THADA: variants seen among roughly 807,000 people sequenced by gnomAD.
THADA encodes THADA armadillo repeat containing.
A neutral mutation model predicts 219.8 loss-of-function variants in THADA; 213 were observed. That is an observed-to-expected ratio of 0.97 (90% confidence interval 0.87 to 1.09). The LOEUF is 1.09. Among genes scored for constraint, THADA ranks in the 50% least tolerant of loss-of-function variants. The pLI, the probability that THADA is intolerant of heterozygous loss-of-function variation, is 0.00. For synonymous variants in THADA, 1,018 were observed against 828.9 expected (o/e 1.23, Z -3.92); for missense variants, 2,956 against 2,311.3 (o/e 1.28, Z -5.72).
intron 1 of THADA, among the ~76,000 whole-genome samples, chr2:43,593,139 T>C (rs1701758862): frequency 6.6e-6 from 1 of 152,072 alleles, no homozygotes; most frequent in African/African-American, 2.4e-5. Context: ...ATGTAGTACA[T>C]GTATAAAATA....
intron 34 of THADA, among the ~76,000 whole-genome samples, chr2:43,291,416 T>G (rs915034625): frequency 9.0e-6 from 1 of 111,112 alleles, no homozygotes; most frequent in African/African-American, 3.6e-5. Context: ...ATCGTGCCAC[T>G]GCACTCCAGC....
At chr2:43,302,717 T>G (rs1355867435) in intron 31 of THADA, among the ~76,000 whole-genome samples, 1 of 152,108 alleles carries the variant, frequency 6.6e-6, no homozygotes, top group Non-Finnish European at 1.5e-5. Context: ...GAAAAAATCA[T>G]AGTGTCATCA....
At chr2:43,511,813 G>A (rs1314644444) in intron 22 of THADA, among the ~76,000 whole-genome samples, 2 of 152,126 alleles carry the variant, frequency 1.3e-5, no homozygotes, top group South Asian at 2.1e-4. Flanking sequence ...GGTATTAGGC[G>A]TACATGGGAT....
chr2:43,403,673 G>A (rs1238964061), intron 28 of THADA, among the ~76,000 whole-genome samples: 1 of 152,094 alleles, frequency 6.6e-6, no homozygotes, highest in South Asian at 2.1e-4. Context: ...TTTCAGGTGA[G>A]GCTATACCAT....
chr2:43,517,775 T>C (rs1258149450), intron 22 of THADA, among the ~76,000 whole-genome samples: 1 of 152,180 alleles, frequency 6.6e-6, no homozygotes, highest in Non-Finnish European at 1.5e-5. Context: ...CTTCTATTTT[T>C]ATATACATGT....
At chr2:43,584,195 A>C (rs1258074999) in intron 7 of THADA, among the ~76,000 whole-genome samples, 3 of 152,048 alleles carry the variant, frequency 2.0e-5, no homozygotes, top group African/African-American at 7.2e-5. Flanking sequence ...AGACTTTTTT[A>C]AAAAAATAAA....
At position 43,541,329 on chromosome 2, in the gene THADA, A is replaced by G. The variant is rs1387409240; in HGVS notation, c.3107-13T>C. 1 of 1,611,672 alleles carries G rather than the reference A, an allele frequency of 6.2e-7. No individual in the cohort carries two copies. Among genetic ancestry groups the G allele is most frequent in the African/African-American group, 1.3e-5 (1 of 74,758 alleles). ...TTTACTTCTTTACCTTAAACAAAAA[A>G]AAACACAACGATTGCAACCTTGATT... On this transcript the variant is annotated splice_polypyrimidine_tract_variant and intron_variant, in intron 20 of 37. Transcript: ENST00000405975.
rs377643139 is a variant in THADA at position 43,398,047 on chromosome 2, C to G, written c.4151G>C (p.Arg1384Pro). 6.2e-7 allele frequency: 1 copy of G among 1,613,794 alleles called. No homozygotes were observed. The highest frequency in any genetic ancestry group is 8.5e-7 in the Non-Finnish European group (1 of 1,179,866). Residue 1384 changes from arginine (R) to proline (P), a missense_variant, in exon 29 of 38, where the codon CGA (arginine) becomes CCA (proline). By Grantham distance (103) the Arg-to-Pro change is moderately radical (BLOSUM62 -2). Coordinates refer to ENST00000405975, the MANE Select transcript of THADA (RefSeq NM_022065.5). ...VMIDHIPNTIRTLLSTLPSCT... is the reference protein window; with the variant it reads ...VMIDHIPNTIPTLLSTLPSCT... ...GCTGGGGAGTGTGGACAACAGAGTT[C>G]GAATGGTATTAGGAATGTGATCTAT... is the stretch of plus-strand genomic sequence containing the variant.
rs1297783656 is a variant in THADA at position 43,400,468 on chromosome 2, TATATATATAA to T, written c.4059-2339_4059-2330del. Among the ~76,000 whole-genome samples, 14 of 143,188 alleles carry T rather than the reference TATATATATAA, an allele frequency of 9.8e-5. 3 individuals carry two copies. Among genetic ancestry groups the T allele is most frequent in the South Asian group, 2.2e-4 (1 of 4,606 alleles). 93.9% of individuals were successfully genotyped at this position (143,188 alleles called of 152,430 possible). On this transcript the variant is annotated intron_variant, in intron 28 of 37. Transcript: ENST00000405975. ...GATCATAGACAAATTTATATATATA[TATATATATAA>T]ATATATACACTAAGAAAAAAAATTT...
chr2:43,234,343 T>C (rs1667777887), intron 36 of THADA, among the ~76,000 whole-genome samples: 1 of 152,206 alleles, frequency 6.6e-6, no homozygotes, highest in Non-Finnish European at 1.5e-5. Flanking sequence ...TAGTTGCATG[T>C]AAGCAGGTGA....
intron 7 of THADA, among the ~76,000 whole-genome samples, chr2:43,585,219 T>C (rs1700879042): frequency 6.6e-6 from 1 of 152,010 alleles, no homozygotes; most frequent in East Asian, 1.9e-4. Context: ...TTATTAAACA[T>C]GACTACCCTG....
At chr2:43,322,367 G>A (rs1678816848) in intron 30 of THADA, among the ~76,000 whole-genome samples, 2 of 151,892 alleles carry the variant, frequency 1.3e-5, no homozygotes, top group African/African-American at 2.4e-5. Context: ...AGCCGGGCAG[G>A]GTGGCGGGCG....
intron 25 of THADA, among the ~76,000 whole-genome samples, chr2:43,486,246 G>C (rs1276481046): frequency 6.6e-6 from 1 of 152,144 alleles, no homozygotes; most frequent in African/African-American, 2.4e-5. Context: ...CATTAGTAAA[G>C]ATAAGAGGCA....
chr2:43,442,223 G>T (rs1000499416), intron 26 of THADA, among the ~76,000 whole-genome samples: 4 of 152,110 alleles, frequency 2.6e-5, no homozygotes, highest in Non-Finnish European at 4.4e-5. Context: ...ATCCCTTGAC[G>T]TCAGGAGTTT....
At chr2:43,589,207 G>A (rs1701301146) in intron 4 of THADA, among the ~76,000 whole-genome samples, 1 of 152,090 alleles carries the variant, frequency 6.6e-6, no homozygotes, top group Admixed American at 6.5e-5. Flanking sequence ...CAACAGGCAA[G>A]CAGTGGAAGC....
intron 36 of THADA, among the ~76,000 whole-genome samples, chr2:43,275,550 C>T (rs192861956): frequency 2.4e-4 from 37 of 152,262 alleles, no homozygotes; most frequent in African/African-American, 7.5e-4. Context: ...CTGGGGACCT[C>T]CTGATCTAGC....
intron 28 of THADA, among the ~76,000 whole-genome samples, chr2:43,427,177 G>T (rs7588221): frequency 1.0e-3 from 154 of 152,012 alleles, no homozygotes; most frequent in Admixed American, 1.8e-3. Context: ...CATTGCACCG[G>T]CTCGCAGACT....
intron 29 of THADA, among the ~76,000 whole-genome samples, chr2:43,378,141 T>C (rs1004269569): frequency 6.6e-6 from 1 of 152,060 alleles, no homozygotes; most frequent in Non-Finnish European, 1.5e-5. Context: ...ATAATTACCA[T>C]GAGAAAATAA....
chr2:43,588,923 A>G (rs1701273698), intron 4 of THADA, among the ~76,000 whole-genome samples: 1 of 152,182 alleles, frequency 6.6e-6, no homozygotes. Context: ...AAATCATGTA[A>G]TATGTACCAT....
Sources: gnomAD v4.1 joint callset for allele counts (sites outside exome capture counted in the v4.1 genomes callset) on GRCh38, gnomAD v4.1.1 for gene constraint, MANE v1.5 for transcripts, NCBI Gene and HGNC (gene_info 2026-07-23, HGNC 2026-07-21) for gene names.